The following DCLK1 variants were observed in gnomAD, a reference collection of about 807,000 sequenced individuals.
DCLK1 encodes the protein serine/threonine-protein kinase DCLK1.
DCLK1 carries 16 observed loss-of-function variants against 86.2 expected under a neutral mutation model. The observed-to-expected ratio is 0.19, with a 90% CI of 0.13 to 0.28. The LOEUF (loss-of-function observed/expected upper bound fraction) is 0.28, where lower values mean the gene tolerates loss of function less well. Ranked by LOEUF, DCLK1 falls within the 10% of genes least tolerant of loss-of-function variation. DCLK1 has a pLI of 1.00. For synonymous variants in DCLK1, 369 were observed against 370.5 expected, an observed-to-expected ratio of 1.00 and a Z score of 0.05; for missense variants, 590 against 940.2, an observed-to-expected ratio of 0.63 and a Z score of 4.87.
intron 4 of DCLK1, among the ~76,000 whole-genome samples, chr13:35,909,698 T>C (rs925059332): frequency 3.9e-5 from 6 of 151,932 alleles, no homozygotes; most frequent in Non-Finnish European, 2.9e-5. Context: ...TAGGAAGTCA[T>C]GTGGCAGGGT....
At chr13:36,016,589 A>T (rs1309259993) in intron 3 of DCLK1, among the ~76,000 whole-genome samples, 1 of 152,174 alleles carries the variant, frequency 6.6e-6, no homozygotes, top group Admixed American at 6.5e-5. Context: ...CCTATCATTC[A>T]TCTCACGAGA....
chr13:35,821,349 T>A (rs1409350805), intron 11 of DCLK1, among the ~76,000 whole-genome samples: 2 of 152,142 alleles, frequency 1.3e-5, no homozygotes, highest in Non-Finnish European at 2.9e-5. Flanking sequence ...CTTTTAGACT[T>A]GAGTGTGTAT....
At chr13:35,933,099 CCAGTGGGA>C (rs1276338502) in intron 4 of DCLK1, among the ~76,000 whole-genome samples, 4 of 152,344 alleles carry the variant, frequency 2.6e-5, no homozygotes, top group African/African-American at 9.6e-5. Context: ...AGTCCAAAAT[CCAGTGGGA>C]CAGTCAAATC....
chr13:36,128,415 CT>C (rs1886261768), intron 1 of DCLK1, among the ~76,000 whole-genome samples: 1 of 152,174 alleles, frequency 6.6e-6, no homozygotes, highest in South Asian at 2.1e-4. Flanking sequence ...CCATCCCTTG[CT>C]CCTTTGAAAC....
At chr13:35,786,312 T>G (rs1014503280) in intron 16 of DCLK1, among the ~76,000 whole-genome samples, 3 of 152,258 alleles carry the variant, frequency 2.0e-5, no homozygotes, top group Non-Finnish European at 4.4e-5. Flanking sequence ...TGCACAACTA[T>G]AATTAGATAT....
At chr13:35,793,259 G>T in intron 16 of DCLK1, 107 bp downstream of exon 16, 1 of 780,216 alleles carries the variant, frequency 1.3e-6, no homozygotes, top group Non-Finnish European at 2.1e-6. Flanking sequence ...GCTGTCTAAA[G>T]AAATGACCCA....
At chr13:36,112,959 G>A (rs1042192368) in intron 2 of DCLK1, among the ~76,000 whole-genome samples, 1 of 152,148 alleles carries the variant, frequency 6.6e-6, no homozygotes, top group African/African-American at 2.4e-5. Context: ...AGTAGATGTA[G>A]ATCACACACA....
intron 3 of DCLK1, among the ~76,000 whole-genome samples, chr13:36,059,206 C>T (rs1159055162): frequency 6.6e-6 from 1 of 152,180 alleles, no homozygotes; most frequent in Non-Finnish European, 1.5e-5. Flanking sequence ...GCGTCTGCGC[C>T]TCAGGAAAGT....
At chr13:35,906,123 C>T (rs1044077478) in intron 4 of DCLK1, among the ~76,000 whole-genome samples, 44 of 152,198 alleles carry the variant, frequency 2.9e-4, no homozygotes, top group Non-Finnish European at 8.8e-5. Context: ...CCACTCTATC[C>T]TGTTCCAAAT....
chr13:36,016,401 A>T (rs1457780470), intron 3 of DCLK1, among the ~76,000 whole-genome samples: 1 of 152,180 alleles, frequency 6.6e-6, no homozygotes, highest in Non-Finnish European at 1.5e-5. Context: ...AGGGGTCACC[A>T]TTAAAAGGAG....
At chr13:36,094,881 G>T (rs1884951310) in intron 3 of DCLK1, among the ~76,000 whole-genome samples, 1 of 152,202 alleles carries the variant, frequency 6.6e-6, no homozygotes, top group Admixed American at 6.5e-5. Flanking sequence ...ATGGGGAAAA[G>T]TTAAGATGGA....
Position 35,871,261 on chromosome 13 carries a change from C to A in DCLK1, c.903G>T (p.Pro301=). Residue 301 remains proline (P), a synonymous_variant, in exon 5 of 17, where the codon CCG becomes CCT. Transcript: ENST00000360631. ...AGGCAGGGGACTTGCTACGCCTGGACGGTCCTGGGCTCTTGGTGGTGCTCC... is the reference window on the plus strand; with the variant it reads ...AGGCAGGGGACTTGCTACGCCTGGAAGGTCCTGGGCTCTTGGTGGTGCTCC... ...SRRSTTKSPG[P]SRRSKSPAST... 1 of 1,613,848 alleles carries A rather than the reference C, an allele frequency of 6.2e-7. No homozygotes were observed. Among genetic ancestry groups the A allele is most frequent in the South Asian group, 1.1e-5 (1 of 91,026 alleles).
rs755814838 is a variant in DCLK1 at position 35,793,349 on chromosome 13, A to C, written c.2058+17T>G. On this transcript the variant is annotated intron_variant, in intron 16 of 16. Transcript: ENST00000360631. ...TTGCTTTAAAAAAAGTTATAGGTGG[A>C]TATTTCAGATGCTTACTGCTATGAC... 5 of 1,592,774 alleles carry C rather than the reference A, an allele frequency of 3.1e-6. No homozygotes were observed. The highest frequency in any genetic ancestry group is 4.3e-6 in the Non-Finnish European group (5 of 1,170,340).
chr13:35,791,643 G>A (rs899740422), intron 16 of DCLK1, among the ~76,000 whole-genome samples: 4 of 152,064 alleles, frequency 2.6e-5, no homozygotes, highest in African/African-American at 4.8e-5. Flanking sequence ...TTGCCCTGAC[G>A]TTCCTGCCCT....
intron 3 of DCLK1, among the ~76,000 whole-genome samples, chr13:35,951,457 C>T (rs961868569): frequency 2.0e-5 from 3 of 149,954 alleles, no homozygotes; most frequent in Non-Finnish European, 3.0e-5. Context: ...CTTTCTTACT[C>T]TTTGCCTGTT....
intron 3 of DCLK1, among the ~76,000 whole-genome samples, chr13:36,039,488 T>C (rs915354089): frequency 1.3e-5 from 2 of 152,178 alleles, no homozygotes; most frequent in African/African-American, 4.8e-5. Context: ...TCGGTGATTT[T>C]TTTTCAGCAC....
intron 4 of DCLK1, among the ~76,000 whole-genome samples, chr13:35,893,154 A>C (rs1278151101): frequency 6.6e-6 from 1 of 152,236 alleles, no homozygotes; most frequent in Non-Finnish European, 1.5e-5. Flanking sequence ...ACCCTATCTG[A>C]GTAGTTTCCT....
intron 5 of DCLK1, among the ~76,000 whole-genome samples, chr13:35,856,663 T>C (rs1566570849): frequency 6.6e-6 from 1 of 152,200 alleles, no homozygotes; most frequent in Non-Finnish European, 1.5e-5. Flanking sequence ...AATAAAAGCC[T>C]GTAAGTATTT....
At chr13:35,998,416 C>T (rs1880567329) in intron 3 of DCLK1, among the ~76,000 whole-genome samples, 1 of 152,134 alleles carries the variant, frequency 6.6e-6, no homozygotes, top group African/African-American at 2.4e-5. Context: ...ATTGATGGCT[C>T]TTCAGAGGCA....
Sources: gnomAD v4.1 joint callset for allele counts (sites outside exome capture counted in the v4.1 genomes callset) on GRCh38, gnomAD v4.1.1 for gene constraint, MANE v1.5 for transcripts, NCBI Gene and HGNC (gene_info 2026-07-23, HGNC 2026-07-21) for gene names.